GNL1: variants seen among roughly 807,000 people sequenced by gnomAD.
GNL1 encodes the protein G protein nucleolar 1.
Under a neutral mutation model 75.2 loss-of-function variants are expected in GNL1, and 21 were observed. The ratio of observed to expected loss-of-function variants is 0.28; its 90% CI spans 0.20 to 0.40. The LOEUF is 0.40. Among genes scored for constraint, GNL1 ranks in the 10% least tolerant of loss-of-function variants. GNL1 has a pLI of 1.00. For missense variants in GNL1, 579 were observed against 775.0 expected, an observed-to-expected ratio of 0.75 and a Z score of 3.00; for synonymous variants, 287 against 303.4, an observed-to-expected ratio of 0.95 and a Z score of 0.56.
In GNL1 at chr6:30,544,533, G is replaced by A. The variant is rs1017717038; in HGVS notation, c.*1539C>T. 1.3e-4 allele frequency: 20 copies of A among 152,278 alleles called. No individual in the cohort carries two copies. Among genetic ancestry groups the A allele is most frequent in the Non-Finnish European group, 8.8e-5 (6 of 68,018 alleles). The allele number at this position is 152,278 out of a possible 1,614,324, so 9.4% of individuals were successfully genotyped here. A position where few individuals can be genotyped will look rare whatever the true frequency, so the allele number is the denominator to read the frequency against. On this transcript the variant is annotated 3_prime_UTR_variant, in exon 12 of 12. Coordinates refer to ENST00000376621, the MANE Select transcript of GNL1 (RefSeq NM_005275.5). ...TCAGTGAGGCCAAAGAGCCCCAGAT[G>A]GGAGACAGGTGGATTTTTCTCTCAG... is the stretch of plus-strand genomic sequence containing the variant.
chr6:30,546,784 C>A lies in GNL1; in HGVS notation c.1494G>T (p.Val498=). The A allele has an allele frequency of 6.3e-7, 1 of 1,598,866 alleles. No individual in the cohort carries two copies. Among genetic ancestry groups the A allele is most frequent in the Non-Finnish European group, 8.6e-7 (1 of 1,168,282 alleles). The change falls in exon 11 of 12, where the codon GTG becomes GTT. Residue 498 remains valine, a synonymous_variant. Transcript: ENST00000376621. This position sits in a 1 kb window ranked among gnomAD's most constrained non-coding sequence, Gnocchi z 5.1. ...YKTAKAARND[V]YRAANSLLRL... ...GCAAGAGACTGTTGGCTGCTCTGTACACATCATTCCGAGCCGCCTTGGCTG... is the reference window on the plus strand; with the variant it reads ...GCAAGAGACTGTTGGCTGCTCTGTAAACATCATTCCGAGCCGCCTTGGCTG...
At chr6:30,553,267 C>T in intron 6 of GNL1, 83 bp downstream of exon 6, 1 of 1,456,936 alleles carries the variant, frequency 6.9e-7, no homozygotes, top group South Asian at 1.1e-5. Context: ...CAGGTGCCCC[C>T]TTGTCAATAA....
In GNL1 at chr6:30,547,742, G is replaced by T; in HGVS notation, c.1100-212C>A. On this transcript the variant is annotated intron_variant, in intron 8 of 11. Transcript: ENST00000376621. This position sits in a 1 kb window ranked among gnomAD's most constrained non-coding sequence, Gnocchi z 5.5. ...AGGGCAACTAACTTTCTGAGCCTCT[G>T]TTTCTTCATTTTACAGTGTGGACAC... 3 of 570,728 alleles carry T rather than the reference G, an allele frequency of 5.3e-6. No individual in the cohort carries two copies. Among genetic ancestry groups the T allele is most frequent in the Non-Finnish European group, 9.1e-6 (3 of 328,168 alleles). 35.4% of individuals were successfully genotyped at this position (570,728 alleles called of 1,614,324 possible).
At position 30,552,396 on chromosome 6, in the gene GNL1, T is replaced by C; in HGVS notation, c.1099+71A>G. On this transcript the variant is annotated intron_variant, in intron 8 of 11. Transcript: ENST00000376621. This position sits in a 1 kb window ranked among gnomAD's most constrained non-coding sequence, Gnocchi z 4.5. The stretch of plus-strand genomic sequence containing the variant: ...GGGGCCTAATGAGACCTGATCGCCC[T>C]CTCTCTTCTCCGAATATGAAAACTC... The C allele has an allele frequency of 7.5e-7, 1 of 1,331,148 alleles. No homozygotes were observed. Among genetic ancestry groups the C allele is most frequent in the Non-Finnish European group, 1.1e-6 (1 of 942,782 alleles). 82.5% of individuals were successfully genotyped at this position (1,331,148 alleles called of 1,614,324 possible). A position where few individuals can be genotyped will look rare whatever the true frequency, so the allele number is the denominator to read the frequency against.
At position 30,541,833 on chromosome 6, in the gene GNL1, T is replaced by G. The variant is rs547128150; in HGVS notation, c.*4239A>C. 1 of 152,336 alleles carries G rather than the reference T, an allele frequency of 6.6e-6. No homozygotes were observed. Among genetic ancestry groups the G allele is most frequent in the South Asian group, 2.1e-4 (1 of 4,830 alleles). 9.4% of individuals were successfully genotyped at this position (152,336 alleles called of 1,614,324 possible). The stretch of plus-strand genomic sequence containing the variant: ...CGTATCAGTGCGAACCAGCTGAATG[T>G]CAGCGCTGTTCCCTCCTGTGACAGA... On this transcript the variant is annotated 3_prime_UTR_variant, in exon 12 of 12. Transcript: ENST00000376621.
chr6:30,556,006 G>A lies in GNL1; in HGVS notation c.73+125C>T. ...GGGGTGGGGGATCCCCTCCGCGATAGGCCGCGAGGGTTGACGCGGTCCCAC... is the reference window on the plus strand; with the variant it reads ...GGGGTGGGGGATCCCCTCCGCGATAAGCCGCGAGGGTTGACGCGGTCCCAC... On this transcript the variant is annotated intron_variant, in intron 1 of 11. Transcript: ENST00000376621. The surrounding 1 kb of genome is among the most constrained non-coding windows in gnomAD (Gnocchi z 5.7). The A allele has an allele frequency of 8.3e-7, 1 of 1,199,826 alleles. No homozygotes were observed. The highest frequency in any genetic ancestry group is 1.2e-6 in the Non-Finnish European group (1 of 837,468). The allele number at this position is 1,199,826 out of a possible 1,614,324, so 74.3% of individuals were successfully genotyped here. A position where few individuals can be genotyped will look rare whatever the true frequency, so the allele number is the denominator to read the frequency against.
Position 30,556,410 on chromosome 6 carries a change from G to A in GNL1, c.-207C>T. The stretch of plus-strand genomic sequence containing the variant: ...GATATAGTCACTTCCCTCCAGGAGC[G>A]AGGCGAGAGGATGATGCGGGGTGGG... On this transcript the variant is annotated 5_prime_UTR_variant, in exon 1 of 12. Coordinates refer to ENST00000376621, the MANE Select transcript of GNL1 (RefSeq NM_005275.5). This position sits in a 1 kb window ranked among gnomAD's most constrained non-coding sequence, Gnocchi z 5.7. 1 of 605,006 alleles carries A rather than the reference G, an allele frequency of 1.7e-6. No homozygotes were observed. The highest frequency in any genetic ancestry group is 2.9e-6 in the Non-Finnish European group (1 of 343,650). The allele number at this position is 605,006 out of a possible 1,614,324, so 37.5% of individuals were successfully genotyped here.
In GNL1 at chr6:30,555,442, G is replaced by T; in HGVS notation, c.239+113C>A. On this transcript the variant is annotated intron_variant, in intron 2 of 11. Coordinates refer to ENST00000376621, the MANE Select transcript of GNL1 (RefSeq NM_005275.5). The surrounding 1 kb of genome is among the most constrained non-coding windows in gnomAD (Gnocchi z 4.3). ...TGTGGGGAGCCGAGTGGCTAGCGGA[G>T]AACTGTGGCATCCCAGGCCCACCGT... The T allele has an allele frequency of 9.0e-7, 1 of 1,113,064 alleles. No individual in the cohort carries two copies. The highest frequency in any genetic ancestry group is 1.3e-6 in the Non-Finnish European group (1 of 766,410). The allele number at this position is 1,113,064 out of a possible 1,614,324, so 68.9% of individuals were successfully genotyped here. A position where few individuals can be genotyped will look rare whatever the true frequency, so the allele number is the denominator to read the frequency against.
chr6:30,543,993 T>C lies in GNL1; in HGVS notation c.*2079A>G, dbSNP rs1799313461. 1 of 152,284 alleles carries C rather than the reference T, an allele frequency of 6.6e-6. No homozygotes were observed. Among genetic ancestry groups the C allele is most frequent in the Middle Eastern group, 3.2e-3 (1 of 316 alleles). The allele number at this position is 152,284 out of a possible 1,614,324, so 9.4% of individuals were successfully genotyped here. ...CATGACCCAGACAAGAGGGTGCGTA[T>C]TTCAGCGTGGAGGGGAGACTGGGCC... is the stretch of plus-strand genomic sequence containing the variant. On this transcript the variant is annotated 3_prime_UTR_variant, in exon 12 of 12. Transcript: ENST00000376621.
intron 8 of GNL1, among the ~76,000 whole-genome samples, chr6:30,551,616 C>A (rs1323327750): frequency 2.6e-5 from 4 of 152,104 alleles, no homozygotes; most frequent in African/African-American, 9.7e-5. Context: ...TTCTCCTTGG[C>A]AACAAACTTA....
chr6:30,541,999 C>T lies in GNL1; in HGVS notation c.*4073G>A, dbSNP rs929026519. 6.6e-6 allele frequency: 1 copy of T among 152,340 alleles called. No individual in the cohort carries two copies. The highest frequency in any genetic ancestry group is 2.4e-5 in the African/African-American group (1 of 41,472). 9.4% of individuals were successfully genotyped at this position (152,340 alleles called of 1,614,324 possible). A position where few individuals can be genotyped will look rare whatever the true frequency, so the allele number is the denominator to read the frequency against. ...TCCTTCACTTGATCCTTCTTCCTAA[C>T]ATCGTGTTAACACACTCCAAACTAA... On this transcript the variant is annotated 3_prime_UTR_variant, in exon 12 of 12. Transcript: ENST00000376621.
Position 30,556,338 on chromosome 6 carries a change from G to T in GNL1, c.-135C>A. 1.0e-6 allele frequency: 1 copy of T among 986,742 alleles called. No homozygotes were observed. Among genetic ancestry groups the T allele is most frequent in the Non-Finnish European group, 1.5e-6 (1 of 659,364 alleles). The allele number at this position is 986,742 out of a possible 1,614,324, so 61.1% of individuals were successfully genotyped here. ...GCTAGCAGGTGACGTCAGCGGGCGG[G>T]CCCGACAGAATTACCGCCGCGGCGG... On this transcript the variant is annotated 5_prime_UTR_variant, in exon 1 of 12. Coordinates refer to ENST00000376621, the MANE Select transcript of GNL1 (RefSeq NM_005275.5). The surrounding 1 kb of genome is among the most constrained non-coding windows in gnomAD (Gnocchi z 5.7).
chr6:30,546,346 G>A lies in GNL1; in HGVS notation c.1583-33C>T. On this transcript the variant is annotated intron_variant, in intron 11 of 11. Coordinates refer to ENST00000376621, the MANE Select transcript of GNL1 (RefSeq NM_005275.5). This position sits in a 1 kb window ranked among gnomAD's most constrained non-coding sequence, Gnocchi z 5.1. ...ACCAAAACAAGAAAAAAATGGAGGAGAGTTTTGAGCAAGAACTAAAGCCAA... is the reference window on the plus strand; with the variant it reads ...ACCAAAACAAGAAAAAAATGGAGGAAAGTTTTGAGCAAGAACTAAAGCCAA... 1 of 1,421,272 alleles carries A rather than the reference G, an allele frequency of 7.0e-7. No homozygotes were observed. Among genetic ancestry groups the A allele is most frequent in the Non-Finnish European group, 9.8e-7 (1 of 1,021,824 alleles). The allele number at this position is 1,421,272 out of a possible 1,614,324, so 88.0% of individuals were successfully genotyped here.
intron 5 of GNL1, 116 bp from the exon 6 acceptor site, chr6:30,553,673 T>G (rs1799944775): frequency 9.9e-6 from 7 of 705,782 alleles, no homozygotes; most frequent in Non-Finnish European, 1.8e-5. Context: ...TAGCAGACTC[T>G]GGGCTAAAAA....
Position 30,555,497 on chromosome 6 carries a change from A to T in GNL1, c.239+58T>A. ...ACCAGTAGCAGCCCGCTTTCCCCCA[A>T]AGCTCTGACTTCCGGGTAGGCGGGA... On this transcript the variant is annotated intron_variant, in intron 2 of 11. Coordinates refer to ENST00000376621, the MANE Select transcript of GNL1 (RefSeq NM_005275.5). The surrounding 1 kb of genome is among the most constrained non-coding windows in gnomAD (Gnocchi z 4.3). The T allele has an allele frequency of 6.5e-7, 1 of 1,527,362 alleles. No homozygotes were observed. Among genetic ancestry groups the T allele is most frequent in the Non-Finnish European group, 8.9e-7 (1 of 1,117,348 alleles). 94.6% of individuals were successfully genotyped at this position (1,527,362 alleles called of 1,614,324 possible). A position where few individuals can be genotyped will look rare whatever the true frequency, so the allele number is the denominator to read the frequency against.
Position 30,553,469 on chromosome 6 carries a change from G to A in GNL1, c.689C>T (p.Ala230Val). The part of the protein sequence containing the change: ...LVLVLNKVDL[A>V]PPALVVAWKH... ...CCAGGCAACCACAAGAGCTGGCGGG[G>A]CCAGATCCACCTTGTTCAAAACCAG... The change falls in exon 6 of 12, where the codon GCC becomes GTC. Residue 230 changes from alanine to valine, a missense_variant. By Grantham distance (64) the Ala-to-Val change is moderately conservative. Coordinates refer to ENST00000376621, the MANE Select transcript of GNL1 (RefSeq NM_005275.5). The A allele has an allele frequency of 6.2e-7, 1 of 1,612,754 alleles. No individual in the cohort carries two copies.
Position 30,552,993 on chromosome 6 carries a change from A to C in GNL1, c.904+91T>G, listed in dbSNP as rs879281685. ...GGCCTCTTGCACATATCCACCATAG[A>C]GGGGTTGGCTTCAGGAAAGGTGAGC... On this transcript the variant is annotated intron_variant, in intron 7 of 11. Coordinates refer to ENST00000376621, the MANE Select transcript of GNL1 (RefSeq NM_005275.5). The surrounding 1 kb of genome is among the most constrained non-coding windows in gnomAD (Gnocchi z 4.5). 5.7e-6 allele frequency: 5 copies of C among 874,206 alleles called. No homozygotes were observed. Among genetic ancestry groups the C allele is most frequent in the Non-Finnish European group, 9.4e-6 (5 of 532,130 alleles). 54.2% of individuals were successfully genotyped at this position (874,206 alleles called of 1,614,324 possible). A position where few individuals can be genotyped will look rare whatever the true frequency, so the allele number is the denominator to read the frequency against.
Position 30,545,440 on chromosome 6 carries a change from G to A in GNL1, c.*632C>T, listed in dbSNP as rs1356114843. 6.6e-6 allele frequency: 1 copy of A among 152,178 alleles called. No individual in the cohort carries two copies. The highest frequency in any genetic ancestry group is 1.5e-5 in the Non-Finnish European group (1 of 68,056). 9.4% of individuals were successfully genotyped at this position (152,178 alleles called of 1,614,324 possible). A position where few individuals can be genotyped will look rare whatever the true frequency, so the allele number is the denominator to read the frequency against. ...CACCCTTCTTAATCCAAAAACTTGGGTGCCTGAAGGTGGGGTTTTGATCAT... is the reference window on the plus strand; with the variant it reads ...CACCCTTCTTAATCCAAAAACTTGGATGCCTGAAGGTGGGGTTTTGATCAT... On this transcript the variant is annotated 3_prime_UTR_variant, in exon 12 of 12. Coordinates refer to ENST00000376621, the MANE Select transcript of GNL1 (RefSeq NM_005275.5).
chr6:30,552,996 G>T lies in GNL1; in HGVS notation c.904+88C>A. The T allele has an allele frequency of 1.1e-6, 1 of 887,472 alleles. No homozygotes were observed. The highest frequency in any genetic ancestry group is 1.8e-6 in the Non-Finnish European group (1 of 542,968). The allele number at this position is 887,472 out of a possible 1,614,324, so 55.0% of individuals were successfully genotyped here. On this transcript the variant is annotated intron_variant, in intron 7 of 11. Transcript: ENST00000376621. The surrounding 1 kb of genome is among the most constrained non-coding windows in gnomAD (Gnocchi z 4.5). Reference sequence around the variant, plus strand: ...CTCTTGCACATATCCACCATAGAGGGGTTGGCTTCAGGAAAGGTGAGCAAA... The same window carrying T: ...CTCTTGCACATATCCACCATAGAGGTGTTGGCTTCAGGAAAGGTGAGCAAA...
Sources: allele counts gnomAD v4.1 joint callset (sites outside exome capture counted in the v4.1 genomes callset), GRCh38; gene constraint gnomAD v4.1.1; non-coding constraint Gnocchi (gnomAD v3.1); transcripts MANE v1.5; gene names NCBI Gene and HGNC (gene_info 2026-07-23, HGNC 2026-07-21).